Variants in KCTD8 observed in about 807,000 individuals in gnomAD.
The protein encoded by KCTD8 is BTB/POZ domain-containing protein KCTD8.
A neutral mutation model predicts 31.5 loss-of-function variants in KCTD8; 27 were observed. That is an observed-to-expected ratio of 0.86 (90% confidence interval 0.63 to 1.18). KCTD8 has a LOEUF of 1.18. Ranked by LOEUF, KCTD8 falls within the 50% of genes most tolerant of loss-of-function variation. The pLI is 0.00. For synonymous variants in KCTD8, 290 were observed against 280.0 expected, an observed-to-expected ratio of 1.04 and a Z score of -0.36; for missense variants, 658 against 647.7, an observed-to-expected ratio of 1.02 and a Z score of -0.17.
At chr4:44,200,693 G>A (rs867258846) in intron 1 of KCTD8, among the ~76,000 whole-genome samples, 2 of 151,938 alleles carry the variant, frequency 1.3e-5, no homozygotes, top group Admixed American at 6.5e-5. Context: ...AACTGAGAAT[G>A]AACATCATAC....
chr4:44,294,978 G>A (rs546740372), intron 1 of KCTD8, among the ~76,000 whole-genome samples: 12 of 152,160 alleles, frequency 7.9e-5, no homozygotes, highest in East Asian at 5.8e-4. Context: ...TAAGGCAAAA[G>A]GAGATAAAAG....
At chr4:44,407,061 T>C (rs1720814949) in intron 1 of KCTD8, among the ~76,000 whole-genome samples, 1 of 152,214 alleles carries the variant, frequency 6.6e-6, no homozygotes, top group Admixed American at 6.5e-5. Context: ...TGCTTAACTA[T>C]CACTCTACAA....
rs182685733 is a variant in KCTD8 at position 44,441,383 on chromosome 4, A to C, written c.961+6180T>G. ...CTATAAAAATATTCATGAATACGATAGCATTAATCCATAAAATAACCCTTC... is the reference window on the plus strand; with the variant it reads ...CTATAAAAATATTCATGAATACGATCGCATTAATCCATAAAATAACCCTTC... On this transcript the variant is annotated intron_variant, in intron 1 of 1. Coordinates refer to ENST00000360029, the MANE Select transcript of KCTD8 (RefSeq NM_198353.3). Among the ~76,000 whole-genome samples the C allele has an allele frequency of 2.2e-3, 340 of 152,324 alleles. 1 individual carries two copies. The highest frequency in any genetic ancestry group is 7.8e-3 in the African/African-American group (326 of 41,594).
At chr4:44,184,483 G>T (rs182448079) in intron 1 of KCTD8, among the ~76,000 whole-genome samples, 1 of 151,954 alleles carries the variant, frequency 6.6e-6, no homozygotes, top group Admixed American at 6.6e-5. Context: ...GAGAAACATG[G>T]TCATATTCCT....
At chr4:44,326,810 G>A (rs566128525) in intron 1 of KCTD8, among the ~76,000 whole-genome samples, 7 of 151,846 alleles carry the variant, frequency 4.6e-5, no homozygotes, top group East Asian at 3.9e-4. Context: ...AAGGCAAATC[G>A]TTTTCCAGAA....
chr4:44,236,856 C>T (rs1226229947), intron 1 of KCTD8, among the ~76,000 whole-genome samples: 1 of 152,054 alleles, frequency 6.6e-6, no homozygotes, highest in African/African-American at 2.4e-5. Context: ...GGCAGTTTCC[C>T]CCATACTGTT....
At chr4:44,254,994 C>T (rs1484256061) in intron 1 of KCTD8, among the ~76,000 whole-genome samples, 4 of 151,822 alleles carry the variant, frequency 2.6e-5, no homozygotes, top group African/African-American at 4.8e-5. Flanking sequence ...TAGGGGTTTC[C>T]ACACCCCAGA....
intron 1 of KCTD8, among the ~76,000 whole-genome samples, chr4:44,269,653 C>T (rs994656848): frequency 6.6e-6 from 1 of 152,064 alleles, no homozygotes; most frequent in Non-Finnish European, 1.5e-5. Flanking sequence ...TGAAAAAGGG[C>T]TAATATCCAG....
intron 1 of KCTD8, among the ~76,000 whole-genome samples, chr4:44,407,127 T>C (rs191466994): frequency 6.6e-6 from 1 of 152,294 alleles, no homozygotes; most frequent in Admixed American, 6.5e-5. Flanking sequence ...TACATTGTCC[T>C]TATTTCAATT....
At chr4:44,365,922 TTAC>T (rs1719620138) in intron 1 of KCTD8, among the ~76,000 whole-genome samples, 1 of 152,170 alleles carries the variant, frequency 6.6e-6, no homozygotes, top group African/African-American at 2.4e-5. Context: ...TTACAGTGGA[TTAC>T]TATGCAATCA....
intron 1 of KCTD8, among the ~76,000 whole-genome samples, chr4:44,389,202 A>G (rs536016680): frequency 4.3e-4 from 65 of 151,894 alleles, no homozygotes; most frequent in Admixed American, 1.2e-3. Flanking sequence ...AATGAATAAG[A>G]TCTAGTATTT....
Position 44,368,314 on chromosome 4 carries a change from A to T in KCTD8, c.961+79249T>A, listed in dbSNP as rs145060974. ...ATTGCTTGAACCCGAAAGGTGGAGA[A>T]GTGGAGGTTGCAGTGAGCCCAGACT... On this transcript the variant is annotated intron_variant, in intron 1 of 1. Coordinates refer to ENST00000360029, the MANE Select transcript of KCTD8 (RefSeq NM_198353.3). 4.1e-4 allele frequency among the ~76,000 whole-genome samples: 62 copies of T among 152,206 alleles called. No individual in the cohort carries two copies. The East Asian group carries it at 0.011, about 28-fold the overall frequency.
intron 1 of KCTD8, among the ~76,000 whole-genome samples, chr4:44,175,698 G>A (rs1291101655): frequency 2.6e-5 from 4 of 152,138 alleles, no homozygotes; most frequent in Admixed American, 6.5e-5. Flanking sequence ...GTAAAAGCAA[G>A]AAAGTACCAT....
In KCTD8 at chr4:44,416,388, T is replaced by C. The variant is rs910685718; in HGVS notation, c.961+31175A>G. 2.6e-5 allele frequency among the ~76,000 whole-genome samples: 4 copies of C among 152,274 alleles called. 1 individual carries two copies. In the South Asian group the frequency reaches 6.2e-4, roughly 24 times the overall value. On this transcript the variant is annotated intron_variant, in intron 1 of 1. Coordinates refer to ENST00000360029, the MANE Select transcript of KCTD8 (RefSeq NM_198353.3). ...ACTTTAGGGGACTATTAAGGGATTA[T>C]TGTATTTTGTGATGTGAGAAGGGTA...
rs555248093 is a variant in KCTD8, at chr4:44,268,697, C to T, written c.962-93447G>A. On this transcript the variant is annotated intron_variant, in intron 1 of 1. Transcript: ENST00000360029. ...AGCTGATAAGCAACTTCAGCAAAGT[C>T]TCAGGATACAAAACCAATGTACAAA... is the stretch of plus-strand genomic sequence containing the variant. Among the ~76,000 whole-genome samples the T allele has an allele frequency of 2.6e-5, 4 of 152,282 alleles. No homozygotes were observed. In the South Asian group the frequency reaches 8.3e-4, roughly 32 times the overall value.
intron 1 of KCTD8, among the ~76,000 whole-genome samples, chr4:44,404,054 C>G (rs150750300): frequency 6.6e-6 from 1 of 152,114 alleles, no homozygotes; most frequent in Admixed American, 6.5e-5. Context: ...CCTACAAAAC[C>G]GAGACCCAAC....
At chr4:44,436,743 T>C (rs1168879077) in intron 1 of KCTD8, among the ~76,000 whole-genome samples, 1 of 152,056 alleles carries the variant, frequency 6.6e-6, no homozygotes, top group Non-Finnish European at 1.5e-5. Context: ...GAGTTTTTAA[T>C]AAACAATTCT....
At chr4:44,190,703 G>A (rs1368353030) in intron 1 of KCTD8, among the ~76,000 whole-genome samples, 1 of 152,118 alleles carries the variant, frequency 6.6e-6, no homozygotes, top group Non-Finnish European at 1.5e-5. Flanking sequence ...TGGCCAAAAA[G>A]CTCTCAGATA....
intron 1 of KCTD8, among the ~76,000 whole-genome samples, chr4:44,265,655 G>A (rs1036118795): frequency 6.6e-6 from 1 of 152,116 alleles, no homozygotes; most frequent in Non-Finnish European, 1.5e-5. Context: ...AAAAAATGTA[G>A]ACAAATGTAT....
Sources: gnomAD v4.1 joint callset for allele counts (sites outside exome capture counted in the v4.1 genomes callset) on GRCh38, gnomAD v4.1.1 for gene constraint, MANE v1.5 for transcripts, NCBI Gene and HGNC (gene_info 2026-07-23, HGNC 2026-07-21) for gene names.